The following NCOA2 variants were observed in gnomAD, a reference collection of about 807,000 sequenced individuals.
The protein encoded by NCOA2 is class E basic helix-loop-helix protein 75.
A neutral mutation model predicts 145.1 loss-of-function variants in NCOA2; 21 were observed. The ratio of observed to expected loss-of-function variants is 0.14; its 90% confidence interval spans 0.10 to 0.21. The LOEUF (loss-of-function observed/expected upper bound fraction) is 0.21. Ranked by LOEUF, NCOA2 falls within the 10% of genes least tolerant of loss-of-function variation. The pLI is 1.00. For synonymous variants in NCOA2, 619 were observed against 637.5 expected, an observed-to-expected ratio of 0.97 and a Z score of 0.44; for missense variants, 1,472 against 1,837.6, an observed-to-expected ratio of 0.80 and a Z score of 3.64.
chr8:70,395,571 C>T (rs975622415), intron 1 of NCOA2, among the ~76,000 whole-genome samples: 3 of 152,170 alleles, frequency 2.0e-5, no homozygotes, highest in African/African-American at 7.2e-5. Context: ...TAACTGAAAG[C>T]TTTTCCTTTT....
chr8:70,231,891 T>C (rs139921520), intron 2 of NCOA2, among the ~76,000 whole-genome samples: 25 of 152,292 alleles, frequency 1.6e-4, no homozygotes, highest in Middle Eastern at 3.4e-3. Flanking sequence ...CCCCCACAGT[T>C]ACTGAAGCAT....
At chr8:70,363,227 C>T (rs888519603) in intron 1 of NCOA2, among the ~76,000 whole-genome samples, 6 of 151,486 alleles carry the variant, frequency 4.0e-5, no homozygotes, top group African/African-American at 1.5e-4. Flanking sequence ...ACTAAAAATA[C>T]ATAAAATTAG....
intron 2 of NCOA2, among the ~76,000 whole-genome samples, chr8:70,279,213 T>A (rs983664958): frequency 5.3e-5 from 8 of 152,164 alleles, no homozygotes; most frequent in Non-Finnish European, 1.2e-4. Context: ...CATGCTGCCC[T>A]CTCTGCCTGG....
At chr8:70,302,951 C>T (rs1827621267) in intron 1 of NCOA2, among the ~76,000 whole-genome samples, 1 of 152,186 alleles carries the variant, frequency 6.6e-6, no homozygotes, top group Non-Finnish European at 1.5e-5. Context: ...ATATCCATCA[C>T]ACTCACGGAT....
the NCOA2 span, among the ~76,000 whole-genome samples, chr8:70,417,818 C>T: frequency 5.4e-4 from 82 of 152,272 alleles, no homozygotes; most frequent in Non-Finnish European, 6.9e-4. Flanking sequence ...CAGCCTTTTT[C>T]GTATCTCCAT....
intron 1 of NCOA2, among the ~76,000 whole-genome samples, chr8:70,357,667 G>A (rs1191804368): frequency 1.3e-5 from 2 of 152,064 alleles, no homozygotes; most frequent in African/African-American, 4.8e-5. Flanking sequence ...CGTGAACCTG[G>A]GAGGCGGAGC....
At chr8:70,440,287 AAAAG>A in the NCOA2 span, among the ~76,000 whole-genome samples, 4 of 152,058 alleles carry the variant, frequency 2.6e-5, no homozygotes, top group Non-Finnish European at 5.9e-5. Context: ...CAAGAAAAAA[AAAAG>A]AAAGAAAGAA....
At chr8:70,322,086 A>C (rs1344000702) in intron 1 of NCOA2, among the ~76,000 whole-genome samples, 9 of 152,064 alleles carry the variant, frequency 5.9e-5, no homozygotes, top group Admixed American at 5.9e-4. Flanking sequence ...ATTGCACTCC[A>C]GCCTGGGCAA....
chr8:70,126,464 T>C (rs941880370), intron 19 of NCOA2: 1 of 251,414 alleles, frequency 4.0e-6, no homozygotes. Context: ...GGCTTTCAAA[T>C]ATATAAACAT....
At position 70,358,340 on chromosome 8, in the gene NCOA2, C is replaced by T. The variant is rs925316995; in HGVS notation, c.-77+45360G>A. 2.0e-5 allele frequency among the ~76,000 whole-genome samples: 3 copies of T among 152,124 alleles called. No homozygotes were observed. The South Asian group carries it at 6.2e-4, about 32-fold the overall frequency. ...GAAAAAGAAGAACAAAGTTGAAGAA[C>T]TCATATTTCTTGCTTTCAAAATCTA... On this transcript the variant is annotated intron_variant, in intron 1 of 22. Transcript: ENST00000452400.
the NCOA2 span, among the ~76,000 whole-genome samples, chr8:70,435,945 C>G: frequency 6.6e-6 from 1 of 152,030 alleles, no homozygotes; most frequent in Non-Finnish European, 1.5e-5. Context: ...ACTACAGGTG[C>G]GTGCCACGAC....
chr8:70,123,150 G>A (rs143716476), intron 21 of NCOA2, among the ~76,000 whole-genome samples: 35 of 152,228 alleles, frequency 2.3e-4, no homozygotes, highest in African/African-American at 7.2e-4. Flanking sequence ...GTGAAGTTAG[G>A]AACAGAATCA....
chr8:70,121,486 G>C (rs1416045102), intron 21 of NCOA2, 95 bp from the exon 22 acceptor site: 1 of 922,954 alleles, frequency 1.1e-6, no homozygotes, highest in African/African-American at 1.6e-5. Flanking sequence ...CTGTTTTTAG[G>C]GGTGTAAAAA....
At chr8:70,411,451 T>C in the NCOA2 span, among the ~76,000 whole-genome samples, 3 of 152,248 alleles carry the variant, frequency 2.0e-5, no homozygotes, top group Non-Finnish European at 4.4e-5. Context: ...AAATTAATTG[T>C]GTTACTATAT....
intron 1 of NCOA2, among the ~76,000 whole-genome samples, chr8:70,387,438 T>C (rs1216625223): frequency 6.6e-6 from 1 of 152,250 alleles, no homozygotes; most frequent in Non-Finnish European, 1.5e-5. Flanking sequence ...ATATCTCATA[T>C]TGAATCACTT....
chr8:70,232,505 TG>T (rs1245574504), intron 2 of NCOA2, among the ~76,000 whole-genome samples: 1 of 152,172 alleles, frequency 6.6e-6, no homozygotes, highest in East Asian at 1.9e-4. Flanking sequence ...CCGTTCAATT[TG>T]ATTTTCCTCA....
intron 1 of NCOA2, among the ~76,000 whole-genome samples, chr8:70,363,974 C>T (rs1810441569): frequency 6.6e-6 from 1 of 150,674 alleles, no homozygotes; most frequent in South Asian, 2.1e-4. Flanking sequence ...ATTCCCACAA[C>T]TTGAATGCTA....
intron 1 of NCOA2, among the ~76,000 whole-genome samples, chr8:70,351,550 C>T (rs1308606791): frequency 6.7e-6 from 1 of 150,050 alleles, no homozygotes; most frequent in Non-Finnish European, 1.5e-5. Context: ...ATCTAGGTTT[C>T]TTGACTTGAG....
intron 4 of NCOA2, among the ~76,000 whole-genome samples, chr8:70,208,459 G>A (rs905771300): frequency 2.0e-5 from 3 of 152,186 alleles, no homozygotes; most frequent in Non-Finnish European, 2.9e-5. Context: ...TAATGAAGGT[G>A]GTTACACTAA....
Sources: gnomAD v4.1 joint callset for allele counts (sites outside exome capture counted in the v4.1 genomes callset) on GRCh38, gnomAD v4.1.1 for gene constraint, MANE v1.5 for transcripts, NCBI Gene and HGNC (gene_info 2026-07-23, HGNC 2026-07-21) for gene names.